Variants in CATSPERE observed in about 807,000 individuals in gnomAD.
The protein encoded by CATSPERE is catsper channel auxiliary subunit epsilon, also known as cation channel sperm-associated auxiliary subunit epsilon.
A neutral mutation model predicts 114.1 loss-of-function variants in CATSPERE; 93 were observed. The ratio of observed to expected loss-of-function variants is 0.81; its 90% confidence interval spans 0.69 to 0.97. The LOEUF is 0.97. CATSPERE is among the 50% of genes least tolerant of loss of function. The probability of loss-of-function intolerance (pLI) is 0.00; values close to 1 mark genes in which losing one functional copy is unlikely to be tolerated. For missense variants in CATSPERE, 1,058 were observed against 1,131.6 expected, an observed-to-expected ratio of 0.93 and a Z score of 0.93; for synonymous variants, 341 against 384.1, an observed-to-expected ratio of 0.89 and a Z score of 1.31.
At chr1:244,531,116 A>C (rs565092347) in intron 8 of CATSPERE, among the ~76,000 whole-genome samples, 3 of 151,994 alleles carry the variant, frequency 2.0e-5, no homozygotes, top group South Asian at 4.2e-4. Flanking sequence ...TGTGCCTGTC[A>C]TCCCAGCTAC....
chr1:244,616,014 A>C (rs1671349199), intron 19 of CATSPERE, among the ~76,000 whole-genome samples: 1 of 151,458 alleles, frequency 6.6e-6, no homozygotes, highest in Non-Finnish European at 1.5e-5. Context: ...CTGTAGTCCC[A>C]ACTTCTAGGG....
chr1:244,561,088 G>A lies in CATSPERE; in HGVS notation c.1450G>A (p.Gly484Arg). Residue 484 changes from glycine to arginine, a missense_variant, in exon 10 of 22, where the codon GGA (glycine) becomes AGA (arginine). Gly to Arg is a moderately radical substitution (Grantham distance 125, BLOSUM62 -2). Around this residue, in one of 2 missense-constraint regions of CATSPERE, gnomAD observed 787 missense variants for 905.6 expected, o/e 0.87. Transcript: ENST00000366534. ...TFTGILQTPA[G>R]HGNLSMLSND... is the part of the protein sequence containing the mutation. ...TACTGGGATTTTACAGACACCTGCAGGACATGGAAATCTATCAATGCTATC... is the reference window on the plus strand; with the variant it reads ...TACTGGGATTTTACAGACACCTGCAAGACATGGAAATCTATCAATGCTATC... The A allele has an allele frequency of 6.2e-7, 1 of 1,611,610 alleles. No homozygotes were observed. Among genetic ancestry groups the A allele is most frequent in the African/African-American group, 1.3e-5 (1 of 74,978 alleles).
chr1:244,453,555 G>C (rs1665829027), upstream of CATSPERE, among the ~76,000 whole-genome samples: 1 of 152,172 alleles, frequency 6.6e-6, no homozygotes, highest in Non-Finnish European at 1.5e-5. Context: ...GTGGTTCAGT[G>C]GCCCCCCTCC....
intron 21 of CATSPERE, 134 bp from the exon 22 acceptor site, chr1:244,639,794 G>A: frequency 1.3e-6 from 1 of 759,444 alleles, no homozygotes; most frequent in Non-Finnish European, 2.1e-6. Context: ...TGTGAGGGTG[G>A]ACAGTGTGTC....
At chr1:244,516,975 C>A (rs918661383) in intron 7 of CATSPERE, among the ~76,000 whole-genome samples, 1 of 151,952 alleles carries the variant, frequency 6.6e-6, no homozygotes, top group Non-Finnish European at 1.5e-5. Flanking sequence ...AATAAAACTA[C>A]CAAAATGTCC....
intron 14 of CATSPERE, among the ~76,000 whole-genome samples, chr1:244,589,213 C>T (rs1667410236): frequency 6.6e-6 from 1 of 152,130 alleles, no homozygotes; most frequent in South Asian, 2.1e-4. Flanking sequence ...GATTCCTTTC[C>T]TTCAGTTAGG....
intron 17 of CATSPERE, among the ~76,000 whole-genome samples, chr1:244,601,497 G>A (rs979897862): frequency 1.3e-5 from 2 of 152,132 alleles, no homozygotes; most frequent in African/African-American, 4.8e-5. Flanking sequence ...AATCACATAC[G>A]CTGTCATATA....
chr1:244,613,255 A>G (rs1670967079), intron 19 of CATSPERE, among the ~76,000 whole-genome samples: 1 of 152,214 alleles, frequency 6.6e-6, no homozygotes, highest in Non-Finnish European at 1.5e-5. Flanking sequence ...AGAACCCTTC[A>G]CCAAAAAATA....
chr1:244,452,103 G>A (rs1014805568), upstream of CATSPERE: 26 of 278,152 alleles, frequency 9.3e-5, 1 homozygote, highest in Admixed American at 3.2e-4. Flanking sequence ...CCGAGGCCAC[G>A]CCCCTTCCGC....
At chr1:244,526,659 T>G (rs1407124631) in intron 8 of CATSPERE, among the ~76,000 whole-genome samples, 1 of 151,060 alleles carries the variant, frequency 6.6e-6, no homozygotes, top group East Asian at 1.9e-4. Context: ...TCTTTTTTTT[T>G]TTTTTTTTAG....
At chr1:244,621,321 T>TA (rs1558611587) in intron 20 of CATSPERE, among the ~76,000 whole-genome samples, 2,868 of 19,860 alleles carry the variant, frequency 0.14, 1,060 homozygotes, top group African/African-American at 0.38. Flanking sequence ...ATAAAATATA[T>TA]ATATATATAT....
chr1:244,600,666 C>A (rs2148665608), intron 17 of CATSPERE, among the ~76,000 whole-genome samples: 1 of 152,338 alleles, frequency 6.6e-6, no homozygotes, highest in African/African-American at 2.4e-5. Flanking sequence ...GATACAGGAT[C>A]CTCACTGGAA....
At chr1:244,577,695 C>G (rs1358977097) in intron 11 of CATSPERE, among the ~76,000 whole-genome samples, 1 of 152,182 alleles carries the variant, frequency 6.6e-6, no homozygotes, top group Admixed American at 6.5e-5. Context: ...GACCTAATCA[C>G]CTCCCAAAGG....
chr1:244,532,143 C>T (rs574745978), intron 8 of CATSPERE, among the ~76,000 whole-genome samples: 121 of 152,160 alleles, frequency 8.0e-4, no homozygotes, highest in African/African-American at 2.7e-3. Context: ...TCTAATGATC[C>T]TTTGAATTTC....
intron 7 of CATSPERE, among the ~76,000 whole-genome samples, chr1:244,501,481 A>G (rs1674021233): frequency 6.6e-6 from 1 of 152,226 alleles, no homozygotes; most frequent in Admixed American, 6.5e-5. Context: ...TTACATTTTA[A>G]TGAGTCAAGA....
intron 17 of CATSPERE, among the ~76,000 whole-genome samples, chr1:244,594,254 A>G (rs1307347442): frequency 6.6e-6 from 1 of 152,238 alleles, no homozygotes; most frequent in Non-Finnish European, 1.5e-5. Flanking sequence ...CAGGAGGTAG[A>G]GGATGCAGTG....
In CATSPERE at chr1:244,591,704, A is replaced by G; in HGVS notation, c.2162A>G (p.His721Arg). 1.3e-6 allele frequency: 2 copies of G among 1,518,180 alleles called. No individual in the cohort carries two copies. The highest frequency in any genetic ancestry group is 1.8e-6 in the Non-Finnish European group (2 of 1,101,564). The allele number at this position is 1,518,180 out of a possible 1,614,324, so 94.0% of individuals were successfully genotyped here. A position where few individuals can be genotyped will look rare whatever the true frequency, so the allele number is the denominator to read the frequency against. The change falls in exon 15 of 22, where the codon CAC becomes CGC. Residue 721 changes from histidine (H) to arginine (R), a missense_variant. His to Arg is a conservative substitution (Grantham distance 29). Coordinates refer to ENST00000366534, the MANE Select transcript of CATSPERE (RefSeq NM_001130957.2). ...IKGFSKKGCH[H>R]HDFSYVIEKS... The stretch of plus-strand genomic sequence containing the variant: ...AGATTTAGTAAAAAAGGATGTCATC[A>G]CCATGATTTTTCATACGTGATTGAA...
chr1:244,594,575 G>A (rs566907700), intron 17 of CATSPERE, among the ~76,000 whole-genome samples: 1 of 152,188 alleles, frequency 6.6e-6, no homozygotes, highest in South Asian at 2.1e-4. Flanking sequence ...GTACATGTTT[G>A]GTCACGAGTC....
chr1:244,621,117 AT>A (rs1672155277), intron 20 of CATSPERE, among the ~76,000 whole-genome samples: 2 of 83,046 alleles, frequency 2.4e-5, no homozygotes, highest in African/African-American at 5.0e-5. Context: ...TATATATATA[AT>A]ATATATATAA....
Sources: gnomAD v4.1 joint callset for allele counts (sites outside exome capture counted in the v4.1 genomes callset) on GRCh38, gnomAD v4.1.1 for gene constraint, gnomAD v4.1.1 regional missense constraint, MANE v1.5 for transcripts, NCBI Gene and HGNC (gene_info 2026-07-23, HGNC 2026-07-21) for gene names.